FTO: variants seen among roughly 807,000 people sequenced by gnomAD.
The protein encoded by FTO is alpha-ketoglutarate-dependent dioxygenase FTO.
FTO carries 47 observed loss-of-function variants against 63.9 expected under a neutral mutation model. That is an observed-to-expected ratio of 0.74 (90% CI 0.58 to 0.94). The LOEUF is 0.94. Among genes scored for constraint, FTO ranks in the 40% least tolerant of loss-of-function variants. FTO has a pLI of 0.00. For missense variants in FTO, 562 were observed against 618.1 expected (o/e 0.91, Z 0.96); for synonymous variants, 207 against 224.4 (o/e 0.92, Z 0.69).
At chr16:53,827,387 C>T (rs887811498) in intron 3 of FTO, among the ~76,000 whole-genome samples, 1 of 152,164 alleles carries the variant, frequency 6.6e-6, no homozygotes, top group African/African-American at 2.4e-5. Context: ...AGTATTAGCT[C>T]TCCTGTCTGA....
chr16:54,000,037 G>A (rs377523737), intron 8 of FTO: 1 of 152,290 alleles, frequency 6.6e-6, no homozygotes, highest in East Asian at 1.9e-4. Context: ...GCAGCCTGCT[G>A]AATAAGAGAA....
intron 1 of FTO, among the ~76,000 whole-genome samples, chr16:53,775,681 C>A (rs1205120621): frequency 6.6e-6 from 1 of 152,090 alleles, no homozygotes; most frequent in Non-Finnish European, 1.5e-5. Flanking sequence ...TTTCCCCCTG[C>A]TGGAACTGAA....
Position 53,870,539 on chromosome 16 carries a change from G to A in FTO, c.896-3247G>A, listed in dbSNP as rs375103212. Among the ~76,000 whole-genome samples the A allele has an allele frequency of 3.9e-5, 6 of 152,240 alleles. 1 individual carries two copies. Among genetic ancestry groups the A allele is most frequent in the African/African-American group, 1.4e-4 (6 of 41,540 alleles). ...CAGTGTGTCTCTCTCTCCAGAGTGA[G>A]GAATGACAAAATTACATCTCATTGA... On this transcript the variant is annotated intron_variant, in intron 4 of 8. Coordinates refer to ENST00000471389, the MANE Select transcript of FTO (RefSeq NM_001080432.3).
chr16:54,106,296 C>T (rs1434443733), intron 8 of FTO, among the ~76,000 whole-genome samples: 1 of 151,890 alleles, frequency 6.6e-6, no homozygotes, highest in African/African-American at 2.4e-5. Flanking sequence ...TAGCAGCCAG[C>T]CAATGTGACA....
chr16:53,915,064 A>C (rs1475033431), intron 7 of FTO, among the ~76,000 whole-genome samples: 1 of 152,170 alleles, frequency 6.6e-6, no homozygotes, highest in African/African-American at 2.4e-5. Flanking sequence ...GTTTCCATAC[A>C]ACAGTTGTTT....
At chr16:53,839,703 A>G (rs1406618357) in intron 3 of FTO, among the ~76,000 whole-genome samples, 1 of 151,930 alleles carries the variant, frequency 6.6e-6, no homozygotes, top group African/African-American at 2.4e-5. Context: ...AGTGGCATTA[A>G]AACTTCATAA....
At chr16:53,808,031 A>G (rs1174768917) in intron 1 of FTO, among the ~76,000 whole-genome samples, 3 of 152,154 alleles carry the variant, frequency 2.0e-5, no homozygotes, top group African/African-American at 7.2e-5. Context: ...TAGGCCAGGT[A>G]TGGTAGCTCA....
At position 54,091,648 on chromosome 16, in the gene FTO, C is replaced by G. The variant is rs139983258; in HGVS notation, c.1365-20114C>G. Among the ~76,000 whole-genome samples, 11 of 152,324 alleles carry G rather than the reference C, an allele frequency of 7.2e-5. No individual in the cohort carries two copies. In the East Asian group the frequency reaches 2.1e-3, roughly 29 times the overall value. ...GGTTGGATGGATGGAGTGGAACAGT[C>G]TTGCTTTTTCGTTGTGAACCCTTCT... On this transcript the variant is annotated intron_variant, in intron 8 of 8. Coordinates refer to ENST00000471389, the MANE Select transcript of FTO (RefSeq NM_001080432.3).
chr16:53,819,306 A>G (rs901626439), intron 2 of FTO, among the ~76,000 whole-genome samples: 2 of 152,066 alleles, frequency 1.3e-5, no homozygotes, highest in Non-Finnish European at 2.9e-5. Flanking sequence ...AGTAGCTGGG[A>G]CCACAGGTGC....
chr16:53,786,779 A>G (rs1410838291), intron 1 of FTO, among the ~76,000 whole-genome samples: 1 of 152,148 alleles, frequency 6.6e-6, no homozygotes, highest in Non-Finnish European at 1.5e-5. Context: ...ATAAGATGGT[A>G]GAGAGGCTGA....
chr16:53,807,483 A>G (rs775971848), intron 1 of FTO, among the ~76,000 whole-genome samples: 13 of 152,212 alleles, frequency 8.5e-5, no homozygotes, highest in Non-Finnish European at 1.6e-4. Flanking sequence ...TTCAGCCTAC[A>G]TTGGCACTTG....
rs78618075 is a variant in FTO, at chr16:54,060,490, C to T, written c.1365-51272C>T. On this transcript the variant is annotated intron_variant, in intron 8 of 8. Transcript: ENST00000471389. ...AATACTATTATCTCCATTTTACAGA[C>T]GGGGAAACTAAGGTTTAGAAAGGTG... 8.0e-3 allele frequency among the ~76,000 whole-genome samples: 1,215 copies of T among 152,170 alleles called. 10 individuals are homozygous for T. Among genetic ancestry groups the T allele is most frequent in the Non-Finnish European group, 0.013 (894 of 68,012 alleles).
intron 8 of FTO, among the ~76,000 whole-genome samples, chr16:54,082,798 C>T (rs1162780670): frequency 2.0e-5 from 3 of 152,142 alleles, no homozygotes; most frequent in South Asian, 2.1e-4. Flanking sequence ...GCAACTGACC[C>T]GCCATGCTGC....
intron 8 of FTO, among the ~76,000 whole-genome samples, chr16:54,092,437 A>G (rs1005346161): frequency 1.3e-5 from 2 of 152,206 alleles, no homozygotes; most frequent in Non-Finnish European, 2.9e-5. Context: ...GGGGTAGGAG[A>G]GAAGATAAGA....
intron 8 of FTO, among the ~76,000 whole-genome samples, chr16:54,005,464 C>T (rs2084179868): frequency 6.7e-6 from 1 of 150,368 alleles, no homozygotes; most frequent in Admixed American, 6.6e-5. Flanking sequence ...ATTACTTATC[C>T]TAGTATATTA....
intron 7 of FTO, among the ~76,000 whole-genome samples, chr16:53,917,709 A>T (rs980831263): frequency 5.6e-5 from 8 of 143,128 alleles, no homozygotes; most frequent in Non-Finnish European, 9.2e-5. Flanking sequence ...AAATTGAGTG[A>T]GTGTGTGTGT....
intron 1 of FTO, among the ~76,000 whole-genome samples, chr16:53,736,298 T>G (rs1159950374): frequency 6.6e-6 from 1 of 152,074 alleles, no homozygotes; most frequent in Non-Finnish European, 1.5e-5. Flanking sequence ...TCTTAGTGTC[T>G]TTGAAATGCT....
chr16:53,797,230 T>G (rs1397229592), intron 1 of FTO, among the ~76,000 whole-genome samples: 1 of 152,220 alleles, frequency 6.6e-6, no homozygotes, highest in Non-Finnish European at 1.5e-5. Flanking sequence ...GAGTGGTACA[T>G]CTGCTACACA....
At chr16:53,850,196 A>G (rs976036253) in intron 4 of FTO, among the ~76,000 whole-genome samples, 2 of 152,222 alleles carry the variant, frequency 1.3e-5, no homozygotes, top group Non-Finnish European at 2.9e-5. Flanking sequence ...GTGCTTGAAC[A>G]GCCAAATGAG....
Sources: allele counts gnomAD v4.1 joint callset (sites outside exome capture counted in the v4.1 genomes callset), GRCh38; gene constraint gnomAD v4.1.1; transcripts MANE v1.5; gene names NCBI Gene and HGNC (gene_info 2026-07-23, HGNC 2026-07-21).